Variants in NLGN1 observed in about 807,000 individuals in gnomAD.
NLGN1 encodes neuroligin 1.
A neutral mutation model predicts 65.5 loss-of-function variants in NLGN1; 12 were observed. The ratio of observed to expected loss-of-function variants is 0.18; its 90% confidence interval spans 0.12 to 0.30. NLGN1 has a LOEUF of 0.30. Ranked by LOEUF, NLGN1 falls within the 10% of genes least tolerant of loss-of-function variation. The probability of loss-of-function intolerance (pLI) is 1.00; values close to 1 mark genes in which losing one functional copy is unlikely to be tolerated. For missense variants in NLGN1, 750 were observed against 1,007.1 expected (o/e 0.74, Z 3.46); for synonymous variants, 350 against 359.5 (o/e 0.97, Z 0.30).
At chr3:173,554,943 C>T (rs1741471643) in intron 2 of NLGN1, among the ~76,000 whole-genome samples, 1 of 152,086 alleles carries the variant, frequency 6.6e-6, no homozygotes, top group Admixed American at 6.5e-5. Context: ...TTTGTTTTAG[C>T]CCTTCTAGGG....
chr3:174,063,508 A>T, intron 4 of NLGN1, among the ~76,000 whole-genome samples: 1 of 152,158 alleles, frequency 6.6e-6, no homozygotes, highest in East Asian at 1.9e-4. Context: ...TCTGTTTAAA[A>T]TAATAACAAA....
At chr3:173,794,517 G>A (rs1482563096) in intron 3 of NLGN1, among the ~76,000 whole-genome samples, 1 of 152,038 alleles carries the variant, frequency 6.6e-6, no homozygotes, top group Non-Finnish European at 1.5e-5. Flanking sequence ...CCTGCTCTAG[G>A]TGCAACTTTG....
At chr3:174,036,741 C>G (rs568807726) in intron 4 of NLGN1, among the ~76,000 whole-genome samples, 1 of 151,978 alleles carries the variant, frequency 6.6e-6, no homozygotes, top group Admixed American at 6.6e-5. Context: ...TTTTCAGATC[C>G]TCTCCCTCTG....
intron 3 of NLGN1, among the ~76,000 whole-genome samples, chr3:173,764,223 T>G (rs912404606): frequency 1.3e-5 from 2 of 151,986 alleles, no homozygotes; most frequent in African/African-American, 4.8e-5. Context: ...TTAAAATAGG[T>G]CAAAACTGGA....
intron 4 of NLGN1, among the ~76,000 whole-genome samples, chr3:174,242,367 T>G (rs1743041680): frequency 7.4e-6 from 1 of 135,120 alleles, no homozygotes; most frequent in Non-Finnish European, 1.6e-5. Context: ...CACTCCAGCC[T>G]GGGCGACAGA....
intron 4 of NLGN1, among the ~76,000 whole-genome samples, chr3:173,929,348 A>T (rs565229348): frequency 2.2e-4 from 33 of 152,250 alleles, no homozygotes; most frequent in Middle Eastern, 6.8e-3. Flanking sequence ...TTTATTTTGC[A>T]TTCTTGCATC....
At chr3:173,579,397 G>T (rs1746031584) in intron 2 of NLGN1, among the ~76,000 whole-genome samples, 1 of 152,178 alleles carries the variant, frequency 6.6e-6, no homozygotes. Context: ...GATCACCTGA[G>T]CCCGGGGAGT....
chr3:174,279,093 A>G lies in NLGN1; in HGVS notation c.1092A>G (p.Val364=). Residue 364 remains valine (V), a synonymous_variant, in exon 6 of 7, where the codon GTA becomes GTG. Coordinates refer to ENST00000457714, the Ensembl canonical transcript of NLGN1. The surrounding 1 kb of genome is among the most constrained non-coding windows in gnomAD (Gnocchi z 4.7). ...TTGGACCTGTGATTGATGGTGATGT[A>G]ATACCAGACGACCCCCAGATATTGA... 1.2e-6 allele frequency: 2 copies of G among 1,613,410 alleles called. No individual in the cohort carries two copies. The highest frequency in any genetic ancestry group is 1.7e-6 in the Non-Finnish European group (2 of 1,179,548).
At chr3:173,463,036 G>T (rs1217282758) in intron 2 of NLGN1, among the ~76,000 whole-genome samples, 1 of 151,976 alleles carries the variant, frequency 6.6e-6, no homozygotes, top group East Asian at 1.9e-4. Flanking sequence ...TATAGGAGAG[G>T]CAGGATCTCC....
intron 2 of NLGN1, among the ~76,000 whole-genome samples, chr3:173,575,824 A>G (rs1410713470): frequency 2.0e-5 from 3 of 152,148 alleles, no homozygotes; most frequent in Non-Finnish European, 4.4e-5. Context: ...AAGTTTTCAG[A>G]AACTTGCCTG....
At chr3:173,616,137 A>G (rs1015322073) in intron 3 of NLGN1, among the ~76,000 whole-genome samples, 1 of 152,104 alleles carries the variant, frequency 6.6e-6, no homozygotes, top group African/African-American at 2.4e-5. Context: ...CCCTTACATG[A>G]GCACTCACGG....
At chr3:173,506,290 A>G (rs908166961) in intron 2 of NLGN1, among the ~76,000 whole-genome samples, 111 of 152,034 alleles carry the variant, frequency 7.3e-4, no homozygotes, top group Non-Finnish European at 2.9e-5. Context: ...TAGAGTCTAT[A>G]TATTTCAGAT....
At chr3:173,943,780 G>A (rs1746605790) in intron 4 of NLGN1, among the ~76,000 whole-genome samples, 1 of 152,166 alleles carries the variant, frequency 6.6e-6, no homozygotes, top group East Asian at 1.9e-4. Context: ...GCCTAACAAA[G>A]CTTCCCAAGT....
rs574758611 is a variant in NLGN1, at chr3:173,421,938, C to T, written c.-389-13072C>T. On this transcript the variant is annotated intron_variant, in intron 1 of 6. Coordinates refer to ENST00000457714, the Ensembl canonical transcript of NLGN1. Reference sequence around the variant, plus strand: ...TCAACACTTTTTAATTGATACATAACGATTTTACATATTAATAGGATACCC... The same window carrying T: ...TCAACACTTTTTAATTGATACATAATGATTTTACATATTAATAGGATACCC... Among the ~76,000 whole-genome samples the T allele has an allele frequency of 7.9e-5, 12 of 151,984 alleles. 1 individual carries two copies. Among genetic ancestry groups the T allele is most frequent in the South Asian group, 4.1e-4 (2 of 4,822 alleles).
At chr3:173,517,909 C>G (rs934198893) in intron 2 of NLGN1, among the ~76,000 whole-genome samples, 4 of 152,088 alleles carry the variant, frequency 2.6e-5, no homozygotes, top group African/African-American at 9.7e-5. Context: ...TTAATCTGCT[C>G]TACACTAGTG....
chr3:173,979,450 A>G lies in NLGN1; in HGVS notation c.646+171618A>G, dbSNP rs547550192. Among the ~76,000 whole-genome samples the G allele has an allele frequency of 2.6e-5, 4 of 152,302 alleles. No homozygotes were observed. The East Asian group carries it at 5.8e-4, about 22-fold the overall frequency. On this transcript the variant is annotated intron_variant, in intron 4 of 6. Coordinates refer to ENST00000457714, the Ensembl canonical transcript of NLGN1. Reference sequence around the variant, plus strand: ...GGTGAGCACAAGGTGAAAGTTGATTATTAAGTGTAAGAGCTTATTAAAATA... The same window carrying G: ...GGTGAGCACAAGGTGAAAGTTGATTGTTAAGTGTAAGAGCTTATTAAAATA...
At chr3:174,115,473 T>C (rs1212353337) in intron 4 of NLGN1, among the ~76,000 whole-genome samples, 3 of 152,202 alleles carry the variant, frequency 2.0e-5, no homozygotes, top group Non-Finnish European at 4.4e-5. Context: ...CCTCTAGATA[T>C]TATTTTTGTC....
At chr3:174,288,631 G>A (rs1398209300), downstream of NLGN1, among the ~76,000 whole-genome samples, 1 of 151,342 alleles carries the variant, frequency 6.6e-6, no homozygotes, top group Non-Finnish European at 1.5e-5. Flanking sequence ...AAATAGTTCA[G>A]TCTTTTCACA....
chr3:173,913,193 G>A (rs1347213350), intron 4 of NLGN1, among the ~76,000 whole-genome samples: 1 of 152,118 alleles, frequency 6.6e-6, no homozygotes, highest in Non-Finnish European at 1.5e-5. Context: ...TTATAAGAAA[G>A]AATCCATGTG....
Sources: gnomAD v4.1 joint callset for allele counts (sites outside exome capture counted in the v4.1 genomes callset) on GRCh38, gnomAD v4.1.1 for gene constraint, Gnocchi (gnomAD v3.1) non-coding constraint, MANE v1.5 for transcripts, NCBI Gene and HGNC (gene_info 2026-07-23, HGNC 2026-07-21) for gene names.